NDRG4: variants seen among roughly 807,000 people sequenced by gnomAD.
NDRG4 encodes protein NDRG4.
NDRG4 carries 38 observed loss-of-function variants against 55.8 expected under a neutral mutation model. That is an observed-to-expected ratio of 0.68 (90% confidence interval 0.53 to 0.89). The LOEUF is 0.89. Among genes scored for constraint, NDRG4 ranks in the 40% least tolerant of loss-of-function variants. The pLI is 0.00. For missense variants in NDRG4, 455 were observed against 468.6 expected, an observed-to-expected ratio of 0.97 and a Z score of 0.27; for synonymous variants, 190 against 182.7, an observed-to-expected ratio of 1.04 and a Z score of -0.32.
At position 58,507,810 on chromosome 16, in the gene NDRG4, G is replaced by T; in HGVS notation, c.623G>T (p.Arg208Leu). ...LQLFWNMYNS[R>L]RDLDINRPGT... ...CTGCCCCTCCCCCTGCCCCACAGCC[G>T]CAGAGACCTGGACATTAACCGGCCT... is the stretch of plus-strand genomic sequence containing the variant. The change falls in exon 9 of 15, where the codon CGC (arginine) becomes CTC (leucine). Residue 208 changes from arginine (R) to leucine (L), a missense_variant and splice_region_variant. By Grantham distance (102) the Arg-to-Leu change is moderately radical. Coordinates refer to ENST00000570248, the MANE Select transcript of NDRG4 (RefSeq NM_001242835.2). 1 of 1,613,476 alleles carries T rather than the reference G, an allele frequency of 6.2e-7. No homozygotes were observed. The highest frequency in any genetic ancestry group is 8.5e-7 in the Non-Finnish European group (1 of 1,179,898).
chr16:58,507,167 G>A, intron 8 of NDRG4, 152 bp downstream of exon 8: 1 of 648,976 alleles, frequency 1.5e-6, no homozygotes, highest in Non-Finnish European at 2.8e-6. Flanking sequence ...TCCTGCACAA[G>A]GTCACACCCT....
Position 58,512,355 on chromosome 16 carries a change from A to G in NDRG4, c.*779A>G. 3.1e-6 allele frequency: 1 copy of G among 325,568 alleles called. No individual in the cohort carries two copies. Among genetic ancestry groups the G allele is most frequent in the Non-Finnish European group, 6.0e-6 (1 of 166,502 alleles). The allele number at this position is 325,568 out of a possible 1,614,324, so 20.2% of individuals were successfully genotyped here. A position where few individuals can be genotyped will look rare whatever the true frequency, so the allele number is the denominator to read the frequency against. On this transcript the variant is annotated 3_prime_UTR_variant, in exon 15 of 15. Transcript: ENST00000570248. Reference sequence around the variant, plus strand: ...TGACTGGGGGTGAGGGAGAAGGAGGAGAGAGCCCATGTGTGGTGTGTGTGC... The same window carrying G: ...TGACTGGGGGTGAGGGAGAAGGAGGGGAGAGCCCATGTGTGGTGTGTGTGC...
chr16:58,510,864 G>C, intron 14 of NDRG4, 181 bp downstream of exon 14: 1 of 639,664 alleles, frequency 1.6e-6, no homozygotes, highest in Non-Finnish European at 2.8e-6. Flanking sequence ...CTCTAGGTTG[G>C]CTGGGTTGCA....
At position 58,500,289 on chromosome 16, in the gene NDRG4, G is replaced by A. The variant is rs1490607846; in HGVS notation, c.21+20G>A. 6.5e-7 allele frequency: 1 copy of A among 1,535,506 alleles called. No individual in the cohort carries two copies. Among genetic ancestry groups the A allele is most frequent in the East Asian group, 2.4e-5 (1 of 40,888 alleles). On this transcript the variant is annotated intron_variant, in intron 1 of 14. Coordinates refer to ENST00000570248, the MANE Select transcript of NDRG4 (RefSeq NM_001242835.2). ...GATGGGGTGAGTGAGGGCGCTGCGG[G>A]CATCAAGGTGGGCCGGGAGGATGGT...
intron 10 of NDRG4, among the ~76,000 whole-genome samples, chr16:58,508,723 C>A (rs2038379542): frequency 6.6e-6 from 1 of 152,224 alleles, no homozygotes; most frequent in Non-Finnish European, 1.5e-5. Flanking sequence ...CCACTCCTAG[C>A]AGTTGTGAGT....
At chr16:58,481,851 G>A (rs981464656) in intron 1 of NDRG4, among the ~76,000 whole-genome samples, 1 of 152,162 alleles carries the variant, frequency 6.6e-6, no homozygotes, top group African/African-American at 2.4e-5. Flanking sequence ...TCAGGATAAG[G>A]ACAGGGAGAG....
At chr16:58,498,926 A>G (rs998576238), upstream of NDRG4, among the ~76,000 whole-genome samples, 1 of 152,192 alleles carries the variant, frequency 6.6e-6, no homozygotes, top group African/African-American at 2.4e-5. Flanking sequence ...CTCCATATAT[A>G]AATGGGAGAA....
chr16:58,497,234 A>G (rs2151749166), upstream of NDRG4, among the ~76,000 whole-genome samples: 1 of 152,268 alleles, frequency 6.6e-6, no homozygotes, highest in East Asian at 1.9e-4. Flanking sequence ...AGGCAGGAGA[A>G]TGGCTTGAAC....
chr16:58,465,197 G>C (rs535951744), intron 1 of NDRG4: 1 of 943,376 alleles, frequency 1.1e-6, no homozygotes, highest in Admixed American at 2.3e-5. Flanking sequence ...GGGACTTATA[G>C]GTGCTCCATC....
Position 58,506,563 on chromosome 16 carries a change from C to T in NDRG4, c.465C>T (p.Ser155=), listed in dbSNP as rs200169760. ...TGGCGCCCTGCTCCCTGCAGCTCTCCGGCCTAACTAGCACTTTACCCGACA... is the reference window on the plus strand; with the variant it reads ...TGGCGCCCTGCTCCCTGCAGCTCTCTGGCCTAACTAGCACTTTACCCGACA... ...GWIDWAATKL[S]GLTSTLPDTV... Residue 155 remains serine, a synonymous_variant, in exon 7 of 15, where the codon TCC becomes TCT. Coordinates refer to ENST00000570248, the MANE Select transcript of NDRG4 (RefSeq NM_001242835.2). 242 of 1,594,402 alleles carry T rather than the reference C, an allele frequency of 1.5e-4. 2 individuals are homozygous for T. The highest frequency in any genetic ancestry group is 3.7e-4 in the Admixed American group (20 of 54,372).
chr16:58,495,200 G>T (rs1051945209), upstream of NDRG4, among the ~76,000 whole-genome samples: 1 of 152,200 alleles, frequency 6.6e-6, no homozygotes, highest in African/African-American at 2.4e-5. Flanking sequence ...TAGGGGGAGT[G>T]AGAATGGAAA....
chr16:58,486,705 AC>A (rs2035121542), intron 1 of NDRG4, among the ~76,000 whole-genome samples: 1 of 4,090 alleles, frequency 2.4e-4, no homozygotes. Flanking sequence ...GCTCCTACAC[AC>A]ACACACACAC....
downstream of NDRG4, among the ~76,000 whole-genome samples, chr16:58,514,975 A>G (rs1351022104): frequency 6.6e-6 from 1 of 152,188 alleles, no homozygotes; most frequent in Admixed American, 6.5e-5. Context: ...ACCACGTGCT[A>G]TGCAGCAGAT....
chr16:58,483,765 C>G (rs1283260092), intron 1 of NDRG4, among the ~76,000 whole-genome samples: 2 of 152,216 alleles, frequency 1.3e-5, no homozygotes, highest in Admixed American at 6.5e-5. Context: ...AAAAATCTTT[C>G]ATTTAAAAGG....
At chr16:58,497,267 A>G (rs1226566987), upstream of NDRG4, among the ~76,000 whole-genome samples, 1 of 152,174 alleles carries the variant, frequency 6.6e-6, no homozygotes, top group African/African-American at 2.4e-5. Context: ...GGTTGCAGTG[A>G]GCAGAGATTG....
At chr16:58,474,324 T>G (rs984077529) in intron 1 of NDRG4, among the ~76,000 whole-genome samples, 21 of 152,316 alleles carry the variant, frequency 1.4e-4, no homozygotes, top group African/African-American at 4.6e-4. Flanking sequence ...ATTACAGGCG[T>G]GAGCTGGCTT....
At position 58,479,979 on chromosome 16, in the gene NDRG4, A is replaced by C. The variant is rs537417797; in HGVS notation, c.-23-7777A>C. On this transcript the variant is annotated intron_variant, in intron 1 of 15. Coordinates refer to the NDRG4 transcript ENST00000258187. ...GAGCCCTAGAATGGGAGTGCTACTA[A>C]GTCTGTCCCCTTTAGGGGATTTCGG... 7.2e-5 allele frequency among the ~76,000 whole-genome samples: 11 copies of C among 152,300 alleles called. No individual in the cohort carries two copies. The South Asian group carries it at 2.3e-3, about 32-fold the overall frequency.
intron 1 of NDRG4, among the ~76,000 whole-genome samples, chr16:58,468,274 C>T (rs533177497): frequency 3.3e-5 from 5 of 152,296 alleles, no homozygotes; most frequent in East Asian, 3.9e-4. Flanking sequence ...GGCGCCTCAG[C>T]GGGGTCTTGC....
chr16:58,486,099 C>T (rs896265046), intron 1 of NDRG4, among the ~76,000 whole-genome samples: 2 of 152,208 alleles, frequency 1.3e-5, no homozygotes, highest in Non-Finnish European at 2.9e-5. Flanking sequence ...GTGCCTGTTT[C>T]AGTGCACCTT....
Sources: gnomAD v4.1 joint callset for allele counts (sites outside exome capture counted in the v4.1 genomes callset) on GRCh38, gnomAD v4.1.1 for gene constraint, MANE v1.5 for transcripts, NCBI Gene and HGNC (gene_info 2026-07-23, HGNC 2026-07-21) for gene names.